ALX3: variants seen among roughly 807,000 people sequenced by gnomAD.
The protein encoded by ALX3 is homeobox protein aristaless-like 3.
A neutral mutation model predicts 26.3 loss-of-function variants in ALX3; 17 were observed. That is an observed-to-expected ratio of 0.65 (90% CI 0.44 to 0.97). The LOEUF (loss-of-function observed/expected upper bound fraction) is 0.97. Among genes scored for constraint, ALX3 ranks in the 50% least tolerant of loss-of-function variants. The pLI, the probability that ALX3 is intolerant of heterozygous loss-of-function variation, is 0.00. For missense variants in ALX3, 461 were observed against 466.5 expected (o/e 0.99, Z 0.11); for synonymous variants, 208 against 201.4 (o/e 1.03, Z -0.28).
intron 2 of ALX3, 116 bp from the exon 3 acceptor site, chr1:110,061,679 G>A: frequency 6.8e-7 from 1 of 1,461,028 alleles, no homozygotes; most frequent in Non-Finnish European, 9.3e-7. Flanking sequence ...GCTCCAGGAT[G>A]GAGGATCTCA....
chr1:110,070,224 A>G, intron 1 of ALX3, 112 bp downstream of exon 1: 1 of 1,186,098 alleles, frequency 8.4e-7, no homozygotes, highest in East Asian at 3.1e-5. Flanking sequence ...AGAGGGGCAA[A>G]AAGTTGAGAA....
chr1:110,060,470 C>G lies in ALX3; in HGVS notation c.*263G>C, dbSNP rs1469658729. ...GTCTGGAGGAAGCAGGGCAGTGTCT[C>G]CCTGCCTCCAGCCCAGAGTTCAGGT... is the stretch of plus-strand genomic sequence containing the variant. On this transcript the variant is annotated 3_prime_UTR_variant, in exon 4 of 4. Coordinates refer to ENST00000647563, the MANE Select transcript of ALX3 (RefSeq NM_006492.3). The G allele has an allele frequency of 6.3e-6, 2 of 318,270 alleles. No individual in the cohort carries two copies. The highest frequency in any genetic ancestry group is 4.3e-5 in the African/African-American group (2 of 46,746). 19.7% of individuals were successfully genotyped at this position (318,270 alleles called of 1,614,324 possible). A position where few individuals can be genotyped will look rare whatever the true frequency, so the allele number is the denominator to read the frequency against.
Position 110,064,896 on chromosome 1 carries a change from C to T in ALX3, c.285G>A (p.Glu95=). The change falls in exon 2 of 4, where the codon GAG becomes GAA. Residue 95 remains glutamate (E), a synonymous_variant. Transcript: ENST00000647563. ...GGAAGCTGGCAGCTTTGGAGGTCTT[C>T]TCCTCAGCTGCAATGGAGAACACAA... ...HFYEGPAEAE[E]KTSKAASFPQ... is the part of the protein sequence containing the mutation. 1 of 1,606,508 alleles carries T rather than the reference C, an allele frequency of 6.2e-7. No homozygotes were observed. Among genetic ancestry groups the T allele is most frequent in the East Asian group, 2.2e-5 (1 of 44,766 alleles).
Position 110,064,901 on chromosome 1 carries a change from C to A in ALX3, c.280G>T (p.Glu94Ter). Residue 94 changes from glutamate to a stop codon, truncating the protein, a stop_gained and splice_region_variant, in exon 2 of 4, where the codon GAG becomes TAG. Coordinates refer to ENST00000647563, the MANE Select transcript of ALX3 (RefSeq NM_006492.3). LOFTEE classifies it high-confidence loss of function. Reference protein sequence around the residue: ...GHFYEGPAEAEEKTSKAASFP... With the variant: ...GHFYEGPAEA The stretch of plus-strand genomic sequence containing the variant: ...CTGGCAGCTTTGGAGGTCTTCTCCT[C>A]AGCTGCAATGGAGAACACAAAAGGG... The A allele has an allele frequency of 6.2e-7, 1 of 1,604,882 alleles. No homozygotes were observed. The highest frequency in any genetic ancestry group is 8.5e-7 in the Non-Finnish European group (1 of 1,175,804).
intron 1 of ALX3, among the ~76,000 whole-genome samples, chr1:110,066,000 C>A (rs1278385681): frequency 2.6e-5 from 4 of 152,280 alleles, no homozygotes; most frequent in African/African-American, 9.6e-5. Flanking sequence ...CTGACTCACA[C>A]AGCCTCTTGC....
At position 110,070,464 on chromosome 1, in the gene ALX3, C is replaced by G; in HGVS notation, c.149G>C (p.Arg50Pro). 8.0e-7 allele frequency: 1 copy of G among 1,253,596 alleles called. No homozygotes were observed. Among genetic ancestry groups the G allele is most frequent in the African/African-American group, 1.5e-5 (1 of 65,172 alleles). 77.7% of individuals were successfully genotyped at this position (1,253,596 alleles called of 1,614,324 possible). ...PAPPRGPRLT[R>P]FPACGPLEPY... Reference sequence around the variant, plus strand: ...CTCCAGGGGCCCGCAGGCCGGAAAGCGGGTCAGCCGCGGGCCGCGGGGCGG... The same window carrying G: ...CTCCAGGGGCCCGCAGGCCGGAAAGGGGGTCAGCCGCGGGCCGCGGGGCGG... The change falls in exon 1 of 4, where the codon CGC becomes CCC. Residue 50 changes from arginine to proline, a missense_variant. Physicochemically the swap from Arg to Pro is moderately radical, Grantham distance 103. Transcript: ENST00000647563.
intron 1 of ALX3, among the ~76,000 whole-genome samples, chr1:110,067,730 G>A (rs1352548786): frequency 2.0e-5 from 3 of 152,226 alleles, no homozygotes; most frequent in Non-Finnish European, 4.4e-5. Flanking sequence ...GTCACTAAGC[G>A]ACCTGCAGAA....
At chr1:110,061,888 C>A (rs1348318650) in intron 2 of ALX3, 13 of 401,242 alleles carry the variant, frequency 3.2e-5, no homozygotes, top group Non-Finnish European at 5.6e-5. Flanking sequence ...CTAGGTACTT[C>A]CTGGGTATAC....
intron 2 of ALX3, 155 bp from the exon 3 acceptor site, chr1:110,061,718 A>C: frequency 8.1e-7 from 1 of 1,233,998 alleles, no homozygotes; most frequent in Non-Finnish European, 1.1e-6. Context: ...TCTCCAGGCC[A>C]GGGAAGCCTG....
intron 2 of ALX3, chr1:110,061,969 C>T (rs566487159): frequency 1.4e-5 from 3 of 220,618 alleles, no homozygotes; most frequent in South Asian, 7.7e-5. Context: ...TCATAGCATC[C>T]GAGGAATCTT....
intron 1 of ALX3, among the ~76,000 whole-genome samples, chr1:110,069,456 G>GGCCGCAGAGCTGCCGATC (rs1553196869): frequency 5.9e-5 from 9 of 152,222 alleles, no homozygotes; most frequent in African/African-American, 1.9e-4. Flanking sequence ...TGCGGCGGAC[G>GGCCGCAGAGCTGCCGATC]GCCGCAGAGC....
At chr1:110,067,022 C>G (rs1171816842) in intron 1 of ALX3, among the ~76,000 whole-genome samples, 2 of 152,222 alleles carry the variant, frequency 1.3e-5, no homozygotes, top group African/African-American at 4.8e-5. Flanking sequence ...CACGGAACTG[C>G]TCTCCTCATT....
chr1:110,062,521 A>T (rs529822223), intron 2 of ALX3: 1 of 151,492 alleles, frequency 6.6e-6, no homozygotes, highest in South Asian at 2.1e-4. Context: ...AGCTAAATTT[A>T]ACAATGTCAA....
intron 1 of ALX3, among the ~76,000 whole-genome samples, chr1:110,066,943 G>C (rs991252514): frequency 6.6e-6 from 1 of 152,208 alleles, no homozygotes; most frequent in African/African-American, 2.4e-5. Flanking sequence ...CTTCCCCAAA[G>C]AAGAGGCTAA....
At position 110,061,478 on chromosome 1, in the gene ALX3, G is replaced by C; in HGVS notation, c.680C>G (p.Ala227Gly). The C allele has an allele frequency of 6.2e-7, 1 of 1,614,204 alleles. No individual in the cohort carries two copies. Among genetic ancestry groups the C allele is most frequent in the Non-Finnish European group, 8.5e-7 (1 of 1,180,036 alleles). Residue 227 changes from alanine to glycine, a missense_variant, in exon 3 of 4, where the codon GCC becomes GGC. Ala to Gly is a moderately conservative substitution (Grantham distance 60). This residue lies in a region of ALX3 where 169 missense variants were observed against 178.0 expected (regional missense o/e 0.95). Coordinates refer to ENST00000647563, the MANE Select transcript of ALX3 (RefSeq NM_006492.3). Reference protein sequence around the residue: ...IQEGRNPFTAAYDISVLPRTD... With the variant: ...IQEGRNPFTAGYDISVLPRTD... Reference sequence around the variant, plus strand: ...ACGGGGCAGCACAGAGATGTCATAGGCAGCCGTGAAGGGGTTCCGCCCCTC... The same window carrying C: ...ACGGGGCAGCACAGAGATGTCATAGCCAGCCGTGAAGGGGTTCCGCCCCTC...
At chr1:110,069,790 C>G (rs1051153236) in intron 1 of ALX3, among the ~76,000 whole-genome samples, 1 of 152,192 alleles carries the variant, frequency 6.6e-6, no homozygotes, top group Non-Finnish European at 1.5e-5. Context: ...AGGCAGCACC[C>G]TTCCTGTGAA....
At chr1:110,066,388 C>G (rs948309414) in intron 1 of ALX3, among the ~76,000 whole-genome samples, 1 of 152,224 alleles carries the variant, frequency 6.6e-6, no homozygotes, top group Non-Finnish European at 1.5e-5. Flanking sequence ...GGGACCAGGG[C>G]TCCTTCACAA....
At chr1:110,061,316 G>T in intron 3 of ALX3, 119 bp downstream of exon 3, 1 of 1,454,400 alleles carries the variant, frequency 6.9e-7, no homozygotes. Context: ...AGAAAGAAGT[G>T]AAGTGGTGTA....
Position 110,070,357 on chromosome 1 carries a change from A to T in ALX3, c.256T>A (p.Phe86Ile). ...TTACCTTCCGCGGGGCCCTCGTAGA[A>T]GTGGCCGCCGTTGAGGGCCGGGCCG... The part of the protein sequence containing the change: ...GPGPALNGGH[F>I]YEGPAEAEEK... Residue 86 changes from phenylalanine to isoleucine, a missense_variant, in exon 1 of 4, where the codon TTC (phenylalanine) becomes ATC (isoleucine). Phe to Ile is a conservative substitution (Grantham distance 21). Coordinates refer to ENST00000647563, the MANE Select transcript of ALX3 (RefSeq NM_006492.3). 7.8e-7 allele frequency: 1 copy of T among 1,289,866 alleles called. No homozygotes were observed. Among genetic ancestry groups the T allele is most frequent in the Non-Finnish European group, 9.8e-7 (1 of 1,018,648 alleles). The allele number at this position is 1,289,866 out of a possible 1,614,324, so 79.9% of individuals were successfully genotyped here.
Sources: allele counts gnomAD v4.1 joint callset (sites outside exome capture counted in the v4.1 genomes callset), GRCh38; gene constraint gnomAD v4.1.1; regional missense constraint gnomAD v4.1.1; transcripts MANE v1.5; gene names NCBI Gene and HGNC (gene_info 2026-07-23, HGNC 2026-07-21).